The following DNAH10 variants were observed in gnomAD, a reference collection of about 807,000 sequenced individuals.
DNAH10 encodes dynein axonemal heavy chain 10, also known as axonemal beta dynein heavy chain 10.
Under a neutral mutation model 506.6 loss-of-function variants are expected in DNAH10, and 348 were observed. The observed-to-expected ratio is 0.69, with a 90% CI of 0.63 to 0.75. The LOEUF (loss-of-function observed/expected upper bound fraction) is 0.75. DNAH10 is among the 30% of genes least tolerant of loss of function. DNAH10 has a pLI of 0.00. For synonymous variants in DNAH10, 2,059 were observed against 2,198.6 expected, an observed-to-expected ratio of 0.94 and a Z score of 1.78; for missense variants, 5,179 against 5,787.1, an observed-to-expected ratio of 0.89 and a Z score of 3.41.
chr12:123,875,618 A>G lies in DNAH10; in HGVS notation c.8199+127A>G, dbSNP rs546009475. On this transcript the variant is annotated intron_variant, in intron 47 of 78. Transcript: ENST00000673944. ...CTCAATACTTTTAAGGGCCTATGAA[A>G]ATGTTTTAATTTCTTGCAAAATCAG... 87 of 1,160,828 alleles carry G rather than the reference A, an allele frequency of 7.5e-5. No homozygotes were observed. The East Asian group carries it at 2.0e-3, about 26-fold the overall frequency. 71.9% of individuals were successfully genotyped at this position (1,160,828 alleles called of 1,614,324 possible). A position where few individuals can be genotyped will look rare whatever the true frequency, so the allele number is the denominator to read the frequency against.
chr12:123,858,384 C>A (rs754248512), intron 37 of DNAH10, among the ~76,000 whole-genome samples: 26 of 152,152 alleles, frequency 1.7e-4, no homozygotes, highest in Non-Finnish European at 3.7e-4. Flanking sequence ...CAGGCCTGGG[C>A]AGTGGGCACC....
chr12:123,899,395 C>T (rs1370154096), intron 56 of DNAH10, among the ~76,000 whole-genome samples: 1 of 152,138 alleles, frequency 6.6e-6, no homozygotes, highest in African/African-American at 2.4e-5. Flanking sequence ...TGTGTACCCT[C>T]CCCAGCTTGT....
intron 36 of DNAH10, among the ~76,000 whole-genome samples, chr12:123,854,103 G>A (rs1259680102): frequency 2.9e-5 from 4 of 136,612 alleles, no homozygotes; most frequent in Non-Finnish European, 6.2e-5. Flanking sequence ...GGGGTCGAAG[G>A]AAGAGTTATT....
chr12:123,794,464 G>GCAC (rs1451914013), intron 12 of DNAH10, among the ~76,000 whole-genome samples: 2 of 152,096 alleles, frequency 1.3e-5, no homozygotes, highest in Non-Finnish European at 2.9e-5. Context: ...TCTCAAGTAT[G>GCAC]GTGTTAGGCA....
chr12:123,790,597 GGTGGGAAGAACA>G (rs1424965635), intron 11 of DNAH10, among the ~76,000 whole-genome samples: 1 of 152,126 alleles, frequency 6.6e-6, no homozygotes, highest in African/African-American at 2.4e-5. Flanking sequence ...GGGGGTTTCA[GGTGGGAAGAACA>G]GTGTGAATGA....
At position 123,762,310 on chromosome 12, in the gene DNAH10, C is replaced by G. The variant is rs1460467847; in HGVS notation, c.-27C>G. ...GTTGCCACGGACGCCCGCCCTGCGC[C>G]CGGCTCCCTCTGCACTGCGCGGCGC... On this transcript the variant is annotated 5_prime_UTR_variant, in exon 1 of 79. Coordinates refer to ENST00000673944, the MANE Select transcript of DNAH10 (RefSeq NM_001372106.1). The surrounding 1 kb of genome is among the most constrained non-coding windows in gnomAD (Gnocchi z 5.0). The G allele has an allele frequency of 5.7e-6, 7 of 1,233,714 alleles. No individual in the cohort carries two copies. The highest frequency in any genetic ancestry group is 7.1e-6 in the Non-Finnish European group (7 of 988,178). The allele number at this position is 1,233,714 out of a possible 1,614,324, so 76.4% of individuals were successfully genotyped here.
At chr12:123,905,334 C>G (rs137939447) in intron 57 of DNAH10, among the ~76,000 whole-genome samples, 2 of 152,246 alleles carry the variant, frequency 1.3e-5, no homozygotes, top group African/African-American at 4.8e-5. Flanking sequence ...AAGAATAAAT[C>G]TGACCATAGT....
chr12:123,887,977 C>A (rs1005832890), intron 52 of DNAH10, among the ~76,000 whole-genome samples: 3 of 152,180 alleles, frequency 2.0e-5, no homozygotes, highest in African/African-American at 7.2e-5. Flanking sequence ...ATCTCCTGAC[C>A]TTGTGATCCA....
Position 123,875,257 on chromosome 12 carries a change from C to T in DNAH10, c.7965C>T (p.Pro2655=). 1.2e-6 allele frequency: 2 copies of T among 1,611,740 alleles called. No homozygotes were observed. The highest frequency in any genetic ancestry group is 1.7e-6 in the Non-Finnish European group (2 of 1,178,798). ...PRVDEYGTQQ[P]IALLKLLLEK... Reference sequence around the variant, plus strand: ...TGGATGAATATGGCACGCAGCAGCCCATTGCCTTGCTGAAGCTGCTGTTGG... The same window carrying T: ...TGGATGAATATGGCACGCAGCAGCCTATTGCCTTGCTGAAGCTGCTGTTGG... Residue 2655 remains proline, a synonymous_variant, in exon 47 of 79, where the codon CCC becomes CCT. Coordinates refer to ENST00000673944, the MANE Select transcript of DNAH10 (RefSeq NM_001372106.1).
rs1321504893 is a variant in DNAH10, at chr12:123,853,315, C to T, written c.6401C>T (p.Ala2134Val). The T allele has an allele frequency of 6.2e-7, 1 of 1,612,412 alleles. No individual in the cohort carries two copies. The highest frequency in any genetic ancestry group is 8.5e-7 in the Non-Finnish European group (1 of 1,179,260). Residue 2134 changes from alanine to valine, a missense_variant, in exon 36 of 79, where the codon GCT (alanine) becomes GTT (valine). By Grantham distance (64) the Ala-to-Val change is moderately conservative. Transcript: ENST00000673944. This position sits in a 1 kb window ranked among gnomAD's most constrained non-coding sequence, Gnocchi z 4.7. The stretch of plus-strand genomic sequence containing the variant: ...GCCCTGAAATCGGTGCTGGTCATGG[C>T]TGGTGAGCTGAAGAGAGGCTCCTCT... The part of the protein sequence containing the change: ...LRALKSVLVM[A>V]GELKRGSSDL...
chr12:123,800,113 G>A, intron 14 of DNAH10, 103 bp from the exon 15 acceptor site: 1 of 1,176,044 alleles, frequency 8.5e-7, no homozygotes, highest in Non-Finnish European at 1.2e-6. Context: ...CTGGTGAAGG[G>A]CCCAGTGTTG....
chr12:123,859,650 G>A (rs954795561), intron 38 of DNAH10, among the ~76,000 whole-genome samples: 5 of 152,286 alleles, frequency 3.3e-5, no homozygotes, highest in East Asian at 1.9e-4. Flanking sequence ...GCCAGAAAAC[G>A]AATGTCACCT....
chr12:123,871,835 C>T (rs912331067), intron 45 of DNAH10, among the ~76,000 whole-genome samples: 5 of 152,174 alleles, frequency 3.3e-5, no homozygotes, highest in African/African-American at 4.8e-5. Context: ...TTTGAGATGA[C>T]GTTTCACATG....
intron 47 of DNAH10, among the ~76,000 whole-genome samples, 198 bp from the exon 48 acceptor site, chr12:123,877,538 A>G (rs1253297249): frequency 6.6e-6 from 1 of 151,558 alleles, no homozygotes; most frequent in Non-Finnish European, 1.5e-5. Flanking sequence ...CTGGTCTTCA[A>G]CTCCTGACCT....
intron 51 of DNAH10, among the ~76,000 whole-genome samples, chr12:123,884,833 C>A (rs1243254991): frequency 6.6e-6 from 1 of 152,156 alleles, no homozygotes; most frequent in Non-Finnish European, 1.5e-5. Flanking sequence ...GCAGAAGCGT[C>A]TAAAAAAATA....
At chr12:123,805,428 G>A (rs1487972228) in intron 18 of DNAH10, among the ~76,000 whole-genome samples, 1 of 152,188 alleles carries the variant, frequency 6.6e-6, no homozygotes, top group Non-Finnish European at 1.5e-5. Flanking sequence ...AGTTAGCGCG[G>A]TCTGTGCGTG....
In DNAH10 at chr12:123,903,163, C is replaced by G. The variant is rs1953610088; in HGVS notation, c.9815+50C>G. On this transcript the variant is annotated intron_variant, in intron 57 of 78. Transcript: ENST00000673944. This position sits in a 1 kb window ranked among gnomAD's most constrained non-coding sequence, Gnocchi z 4.6. The stretch of plus-strand genomic sequence containing the variant: ...GGGCTTCCATTCCACCTCTGCAAGC[C>G]AGTAGTCTCCATGATCGTGGCAACC... 6.5e-7 allele frequency: 1 copy of G among 1,540,786 alleles called. No individual in the cohort carries two copies. Among genetic ancestry groups the G allele is most frequent in the Non-Finnish European group, 8.7e-7 (1 of 1,144,124 alleles).
chr12:123,844,709 G>T (rs1342977714), intron 30 of DNAH10, among the ~76,000 whole-genome samples: 1 of 152,078 alleles, frequency 6.6e-6, no homozygotes, highest in Admixed American at 6.5e-5. Flanking sequence ...TGCGAGCTCG[G>T]CTCACTGAAG....
rs540460974 is a variant in DNAH10 at position 123,884,740 on chromosome 12, G to A, written c.8824-2402G>A. Among the ~76,000 whole-genome samples, 7 of 152,202 alleles carry A rather than the reference G, an allele frequency of 4.6e-5. No individual in the cohort carries two copies. The East Asian group carries it at 5.8e-4, about 13-fold the overall frequency. On this transcript the variant is annotated intron_variant, in intron 51 of 78. Coordinates refer to ENST00000673944, the MANE Select transcript of DNAH10 (RefSeq NM_001372106.1). Reference sequence around the variant, plus strand: ...AGAACAAACATTCAGTCTATTGCACGGAGTAAGAATCACTATTGTTATGGA... The same window carrying A: ...AGAACAAACATTCAGTCTATTGCACAGAGTAAGAATCACTATTGTTATGGA...
Sources: gnomAD v4.1 joint callset for allele counts (sites outside exome capture counted in the v4.1 genomes callset) on GRCh38, gnomAD v4.1.1 for gene constraint, Gnocchi (gnomAD v3.1) non-coding constraint, MANE v1.5 for transcripts, NCBI Gene and HGNC (gene_info 2026-07-23, HGNC 2026-07-21) for gene names.